Variants in FHOD3 observed in about 807,000 individuals in gnomAD.
FHOD3 encodes FH1/FH2 domain-containing protein 3.
In FHOD3, 90 loss-of-function variants were observed where a neutral mutation model predicts 173.0. That is an observed-to-expected ratio of 0.52 (90% CI 0.44 to 0.62). The LOEUF is 0.62. FHOD3 is among the 20% of genes least tolerant of loss of function. The pLI is 0.00. For synonymous variants in FHOD3, 828 were observed against 823.0 expected (o/e 1.01, Z -0.10); for missense variants, 1,945 against 2,034.7 (o/e 0.96, Z 0.85).
intron 6 of FHOD3, among the ~76,000 whole-genome samples, chr18:36,585,949 CTTCTGGGAGCCTGCAGGG>C (rs1419977151): frequency 2.6e-5 from 4 of 152,284 alleles, no homozygotes; most frequent in African/African-American, 9.6e-5. Flanking sequence ...GCAGCACAGG[CTTCTGGGAGCCTGCAGGG>C]TTCTGCCACT....
At chr18:36,450,891 T>A (rs1513845) in intron 3 of FHOD3, among the ~76,000 whole-genome samples, 18,347 of 152,216 alleles carry the variant, frequency 0.12, 3,020 homozygotes, top group African/African-American at 0.36. Flanking sequence ...AAATTTTTTT[T>A]AATTAAGTAA....
At chr18:36,727,988 C>T (rs927407824) in intron 19 of FHOD3, among the ~76,000 whole-genome samples, 1 of 152,204 alleles carries the variant, frequency 6.6e-6, no homozygotes, top group South Asian at 2.1e-4. Context: ...GCTCACAAGA[C>T]ACCTGCTACT....
rs147227431 is a variant in FHOD3 at position 36,539,194 on chromosome 18, T to C, written c.511+26651T>C. ...CAACGAAGTGATATCATAGTCTTTGTGTTTTTTATGATGATCAGACCCACT... is the reference window on the plus strand; with the variant it reads ...CAACGAAGTGATATCATAGTCTTTGCGTTTTTTATGATGATCAGACCCACT... On this transcript the variant is annotated intron_variant, in intron 5 of 28. Coordinates refer to ENST00000590592, the MANE Select transcript of FHOD3 (RefSeq NM_001281740.3). Among the ~76,000 whole-genome samples the C allele has an allele frequency of 4.6e-3, 696 of 152,366 alleles. 4 individuals are homozygous for C. The highest frequency in any genetic ancestry group is 0.01 in the Middle Eastern group (3 of 294).
chr18:36,679,056 A>G (rs889117515), intron 14 of FHOD3, among the ~76,000 whole-genome samples: 1 of 152,052 alleles, frequency 6.6e-6, no homozygotes, highest in African/African-American at 2.4e-5. Flanking sequence ...ATTTTTTTTC[A>G]TGGGTGTGAA....
At chr18:36,387,088 G>A (rs1392854132) in intron 3 of FHOD3, among the ~76,000 whole-genome samples, 1 of 152,130 alleles carries the variant, frequency 6.6e-6, no homozygotes, top group Non-Finnish European at 1.5e-5. Context: ...CCCCAAAAAA[G>A]GCAAGTGCCC....
intron 28 of FHOD3, among the ~76,000 whole-genome samples, chr18:36,769,936 A>T (rs1400840511): frequency 2.0e-5 from 3 of 152,162 alleles, no homozygotes; most frequent in Non-Finnish European, 4.4e-5. Flanking sequence ...GAAATATTTA[A>T]CGTGGCCTAG....
intron 5 of FHOD3, among the ~76,000 whole-genome samples, chr18:36,563,890 T>C (rs1334183890): frequency 6.6e-6 from 1 of 152,176 alleles, no homozygotes; most frequent in Non-Finnish European, 1.5e-5. Context: ...TGGGTGTTTA[T>C]GAGCTCCATT....
intron 8 of FHOD3, among the ~76,000 whole-genome samples, chr18:36,609,465 G>A (rs937230949): frequency 6.6e-6 from 1 of 152,012 alleles, no homozygotes; most frequent in South Asian, 2.1e-4. Context: ...CATTTCCCCC[G>A]CAGCCTGCAT....
intron 3 of FHOD3, among the ~76,000 whole-genome samples, chr18:36,386,253 G>A (rs556214294): frequency 3.1e-4 from 47 of 152,192 alleles, no homozygotes; most frequent in African/African-American, 6.3e-4. Flanking sequence ...GAAGCTGTCC[G>A]TCCTCTGCCT....
intron 16 of FHOD3, among the ~76,000 whole-genome samples, chr18:36,688,364 G>C (rs1043757030): frequency 6.6e-6 from 1 of 152,310 alleles, no homozygotes; most frequent in Non-Finnish European, 1.5e-5. Flanking sequence ...AATACATCAG[G>C]ACAGTCTCTG....
intron 3 of FHOD3, among the ~76,000 whole-genome samples, chr18:36,439,208 T>C (rs1439539152): frequency 6.6e-6 from 1 of 152,228 alleles, no homozygotes; most frequent in Non-Finnish European, 1.5e-5. Context: ...AAAAAGACTT[T>C]CAAAGTTCTA....
chr18:36,732,304 T>C (rs530436550), intron 20 of FHOD3, among the ~76,000 whole-genome samples: 24 of 152,306 alleles, frequency 1.6e-4, no homozygotes, highest in African/African-American at 5.5e-4. Flanking sequence ...GCATTTCTGT[T>C]GTTTAAGCCA....
chr18:36,718,370 A>ACCC lies in FHOD3; in HGVS notation c.3075_3077dup (p.Pro1027dup). 1.4e-5 allele frequency: 7 copies of ACCC among 485,482 alleles called. No homozygotes were observed. The highest frequency in any genetic ancestry group is 2.1e-5 in the Non-Finnish European group (7 of 331,156). The allele number at this position is 485,482 out of a possible 1,614,324, so 30.1% of individuals were successfully genotyped here. A position where few individuals can be genotyped will look rare whatever the true frequency, so the allele number is the denominator to read the frequency against. ...GGGAGGCCCCTGGGCCACCTCCCCC[A>ACCC]CCCCCACCCACCTTTCTGGGTTTGC... On this transcript the variant is annotated inframe_insertion, in exon 19 of 29. Coordinates refer to ENST00000590592, the MANE Select transcript of FHOD3 (RefSeq NM_001281740.3).
chr18:36,592,116 G>T (rs1371606237), intron 6 of FHOD3, among the ~76,000 whole-genome samples: 1 of 152,220 alleles, frequency 6.6e-6, no homozygotes, highest in African/African-American at 2.4e-5. Flanking sequence ...CTATTCAGGA[G>T]GCTGAGGCAG....
At chr18:36,546,542 A>C (rs568578991) in intron 5 of FHOD3, among the ~76,000 whole-genome samples, 10 of 152,300 alleles carry the variant, frequency 6.6e-5, no homozygotes, top group Non-Finnish European at 1.0e-4. Context: ...CAGTGGTGTT[A>C]GTGAGCGACT....
intron 13 of FHOD3, 48 bp downstream of exon 13, chr18:36,653,464 A>G (rs545660344): frequency 6.9e-6 from 9 of 1,296,108 alleles, no homozygotes; most frequent in Non-Finnish European, 9.5e-6. Context: ...TCTGTTTTAT[A>G]TTCTAATGTA....
chr18:36,770,448 C>T (rs1600651233), intron 28 of FHOD3, among the ~76,000 whole-genome samples: 5 of 152,350 alleles, frequency 3.3e-5, no homozygotes, highest in Admixed American at 3.3e-4. Context: ...CCCATTTACA[C>T]ACGTTTCCAG....
chr18:36,604,034 C>CT (rs1212555239), intron 8 of FHOD3, among the ~76,000 whole-genome samples: 1 of 152,172 alleles, frequency 6.6e-6, no homozygotes, highest in African/African-American at 2.4e-5. Context: ...CCCTGATCAC[C>CT]ACCTTGTAGG....
At chr18:36,636,511 C>G (rs1027738539) in intron 10 of FHOD3, among the ~76,000 whole-genome samples, 3 of 152,112 alleles carry the variant, frequency 2.0e-5, no homozygotes, top group Admixed American at 2.0e-4. Context: ...TTCTGTGTAG[C>G]CTAAATGCCT....
Sources: allele counts gnomAD v4.1 joint callset (sites outside exome capture counted in the v4.1 genomes callset), GRCh38; gene constraint gnomAD v4.1.1; transcripts MANE v1.5; gene names NCBI Gene and HGNC (gene_info 2026-07-23, HGNC 2026-07-21).